The following CNTN6 variants were observed in gnomAD, a reference collection of about 807,000 sequenced individuals.
CNTN6 encodes contactin 6.
CNTN6 carries 137 observed loss-of-function variants against 122.8 expected under a neutral mutation model. That is an observed-to-expected ratio of 1.12 (90% CI 0.97 to 1.29). CNTN6 has a LOEUF of 1.29. CNTN6 is among the 50% of genes most tolerant of loss of function. The probability of loss-of-function intolerance (pLI) is 0.00; values close to 1 mark genes in which losing one functional copy is unlikely to be tolerated. For missense variants in CNTN6, 1,634 were observed against 1,223.4 expected (o/e 1.34, Z -5.01); for synonymous variants, 570 against 426.0 (o/e 1.34, Z -4.16).
At chr3:1,299,362 AAGAG>A (rs1696816373) in intron 7 of CNTN6, among the ~76,000 whole-genome samples, 1 of 152,144 alleles carries the variant, frequency 6.6e-6, no homozygotes. Context: ...AAACCAATGA[AAGAG>A]AGTATCTGAA....
At chr3:1,397,593 G>T (rs1025552423) in intron 20 of CNTN6, among the ~76,000 whole-genome samples, 1 of 151,988 alleles carries the variant, frequency 6.6e-6, no homozygotes, top group African/African-American at 2.4e-5. Flanking sequence ...TACAAGGAAA[G>T]AAAGAAAAAT....
chr3:1,206,504 T>C (rs1392272113), intron 2 of CNTN6, among the ~76,000 whole-genome samples: 2 of 152,154 alleles, frequency 1.3e-5, no homozygotes, highest in African/African-American at 4.8e-5. Flanking sequence ...TCCTGTATCA[T>C]CATGTTCTTA....
chr3:1,240,182 A>C (rs1326238703), intron 4 of CNTN6, among the ~76,000 whole-genome samples: 7 of 152,246 alleles, frequency 4.6e-5, no homozygotes, highest in African/African-American at 1.2e-4. Context: ...GGACTTAATT[A>C]AACTAAAAAG....
At chr3:1,257,439 C>G (rs2094777372) in intron 4 of CNTN6, among the ~76,000 whole-genome samples, 1 of 152,036 alleles carries the variant, frequency 6.6e-6, no homozygotes, top group African/African-American at 2.4e-5. Context: ...ATTGTAAAAA[C>G]TATTTTTGGT....
At chr3:1,185,433 T>G (rs914111964) in intron 2 of CNTN6, among the ~76,000 whole-genome samples, 3 of 152,136 alleles carry the variant, frequency 2.0e-5, no homozygotes, top group Non-Finnish European at 4.4e-5. Flanking sequence ...TCTAAAAAGG[T>G]ATTAAGAACC....
chr3:1,310,699 T>C (rs443316), intron 7 of CNTN6, among the ~76,000 whole-genome samples: 67,504 of 152,010 alleles, frequency 0.44, 15,378 homozygotes, highest in East Asian at 0.73. Flanking sequence ...AAGAAATGTA[T>C]GTACATCAAG....
At chr3:1,253,718 T>C (rs1201609766) in intron 4 of CNTN6, among the ~76,000 whole-genome samples, 1 of 152,044 alleles carries the variant, frequency 6.6e-6, no homozygotes, top group Non-Finnish European at 1.5e-5. Flanking sequence ...CCTATAAGGA[T>C]CTAACACCGC....
At chr3:1,154,962 A>G (rs114838624) in intron 2 of CNTN6, among the ~76,000 whole-genome samples, 1,950 of 152,148 alleles carry the variant, frequency 0.013, 53 homozygotes, top group African/African-American at 0.044. Flanking sequence ...GGGTCTTTGC[A>G]TGTGCTGTTC....
intron 2 of CNTN6, among the ~76,000 whole-genome samples, chr3:1,213,517 T>C (rs1353894375): frequency 6.6e-6 from 1 of 151,940 alleles, no homozygotes; most frequent in Non-Finnish European, 1.5e-5. Context: ...ATTTTAATCA[T>C]TCAAACTATG....
chr3:1,268,637 T>A (rs2094969346), intron 4 of CNTN6, among the ~76,000 whole-genome samples: 1 of 151,330 alleles, frequency 6.6e-6, no homozygotes, highest in South Asian at 2.1e-4. Context: ...CAGTGTGATG[T>A]GGCAGTTCTT....
Position 1,403,519 on chromosome 3 carries a change from T to C in CNTN6, c.*101T>C, listed in dbSNP as rs917030181. On this transcript the variant is annotated 3_prime_UTR_variant, in exon 23 of 23. Coordinates refer to ENST00000446702, the MANE Select transcript of CNTN6 (RefSeq NM_001289080.2). ...AAGATGCGTTCTTAATACAGACTTG[T>C]TTGCAAAGAAAAAAAAAAGTATATT... 1.7e-6 allele frequency: 1 copy of C among 573,024 alleles called. No homozygotes were observed. Among genetic ancestry groups the C allele is most frequent in the Admixed American group, 3.5e-5 (1 of 28,868 alleles). 35.5% of individuals were successfully genotyped at this position (573,024 alleles called of 1,614,324 possible).
chr3:1,334,456 TAA>T, intron 11 of CNTN6, among the ~76,000 whole-genome samples: 1 of 152,110 alleles, frequency 6.6e-6, no homozygotes, highest in East Asian at 1.9e-4. Flanking sequence ...TAGGAAATAT[TAA>T]ACACTATATT....
chr3:1,257,628 G>A (rs3872627), intron 4 of CNTN6, among the ~76,000 whole-genome samples: 17,589 of 152,086 alleles, frequency 0.12, 1,131 homozygotes, highest in African/African-American at 0.15. Context: ...TCAAATCCAA[G>A]AGGTTTTCTG....
At chr3:1,343,377 C>A (rs1359417332) in intron 11 of CNTN6, among the ~76,000 whole-genome samples, 1 of 152,102 alleles carries the variant, frequency 6.6e-6, no homozygotes, top group Non-Finnish European at 1.5e-5. Context: ...AACTTTTGTA[C>A]TGCTTTAAGG....
intron 2 of CNTN6, among the ~76,000 whole-genome samples, chr3:1,197,539 T>G (rs1489995319): frequency 2.6e-5 from 4 of 152,106 alleles, no homozygotes; most frequent in East Asian, 1.9e-4. Context: ...TAAAAGTAAA[T>G]AAGTAAATAG....
chr3:1,400,979 T>C (rs902321974), intron 20 of CNTN6, among the ~76,000 whole-genome samples: 4 of 152,108 alleles, frequency 2.6e-5, no homozygotes, highest in Non-Finnish European at 4.4e-5. Context: ...GTTAGTTGTG[T>C]TACAGTTAGA....
At chr3:1,160,367 T>TATATATATATATATATATACAC (rs1491110079) in intron 2 of CNTN6, among the ~76,000 whole-genome samples, 1 of 112,550 alleles carries the variant, frequency 8.9e-6, no homozygotes, top group East Asian at 2.6e-4. Flanking sequence ...TATATATATA[T>TATATATATATATATATATACAC]ACACACTACC....
intron 2 of CNTN6, among the ~76,000 whole-genome samples, chr3:1,177,967 C>T (rs2093481902): frequency 6.7e-6 from 1 of 150,082 alleles, no homozygotes; most frequent in African/African-American, 2.5e-5. Flanking sequence ...GTGGTGCAAT[C>T]TCCGCTCACT....
intron 19 of CNTN6, among the ~76,000 whole-genome samples, chr3:1,385,252 C>T (rs1173110760): frequency 2.0e-5 from 3 of 152,012 alleles, no homozygotes; most frequent in African/African-American, 7.3e-5. Context: ...AATAGCAAGA[C>T]ATTATAATGA....
Sources: gnomAD v4.1 joint callset for allele counts (sites outside exome capture counted in the v4.1 genomes callset) on GRCh38, gnomAD v4.1.1 for gene constraint, MANE v1.5 for transcripts, NCBI Gene and HGNC (gene_info 2026-07-23, HGNC 2026-07-21) for gene names.